Variants in AGBL1 observed in about 807,000 individuals in gnomAD.
The protein encoded by AGBL1 is cytosolic carboxypeptidase 4.
AGBL1 carries 130 observed loss-of-function variants against 118.9 expected under a neutral mutation model. The ratio of observed to expected loss-of-function variants is 1.09; its 90% CI spans 0.95 to 1.26. The LOEUF (loss-of-function observed/expected upper bound fraction) is 1.26. Ranked by LOEUF, AGBL1 falls within the 50% of genes most tolerant of loss-of-function variation. The pLI is 0.00. For missense variants in AGBL1, 1,584 were observed against 1,298.1 expected, an observed-to-expected ratio of 1.22 and a Z score of -3.38; for synonymous variants, 555 against 478.9, an observed-to-expected ratio of 1.16 and a Z score of -2.08.
At chr15:86,410,839 T>TATATATATATAA (rs1311325970) in intron 18 of AGBL1, among the ~76,000 whole-genome samples, 5 of 68,148 alleles carry the variant, frequency 7.3e-5, no homozygotes, top group Non-Finnish European at 1.4e-4. Context: ...TATATATATA[T>TATATATATATAA]ATAATATACT....
At chr15:86,360,020 A>T (rs1386072919) in intron 17 of AGBL1, among the ~76,000 whole-genome samples, 2 of 151,778 alleles carry the variant, frequency 1.3e-5, no homozygotes, top group African/African-American at 4.8e-5. Flanking sequence ...TTTGGATGTG[A>T]TTTATTTATT....
chr15:86,340,186 A>AT (rs2080440223), intron 17 of AGBL1, among the ~76,000 whole-genome samples: 2 of 151,698 alleles, frequency 1.3e-5, no homozygotes, highest in African/African-American at 4.8e-5. Context: ...GTGATGAGTG[A>AT]TTTTTTGACG....
chr15:86,167,563 A>G (rs1374812420), intron 5 of AGBL1, among the ~76,000 whole-genome samples: 1 of 152,228 alleles, frequency 6.6e-6, no homozygotes, highest in Admixed American at 6.5e-5. Context: ...TGATATTTCT[A>G]ATAGAATTCT....
intron 17 of AGBL1, among the ~76,000 whole-genome samples, chr15:86,353,723 GGACA>G (rs1217266303): frequency 6.6e-6 from 1 of 152,050 alleles, no homozygotes; most frequent in African/African-American, 2.4e-5. Flanking sequence ...ATTCAATTTC[GGACA>G]GACAGATTTG....
intron 21 of AGBL1, among the ~76,000 whole-genome samples, chr15:86,668,213 G>A (rs2085681565): frequency 6.6e-6 from 1 of 152,142 alleles, no homozygotes. Context: ...CATGAGATTT[G>A]GAGGGGATAA....
intron 16 of AGBL1, among the ~76,000 whole-genome samples, chr15:86,292,786 G>A (rs1352014217): frequency 6.6e-6 from 1 of 152,168 alleles, no homozygotes; most frequent in Non-Finnish European, 1.5e-5. Context: ...AAGAATCTTG[G>A]CTCAAAGATG....
At chr15:86,683,715 C>T (rs142062766) in intron 22 of AGBL1, among the ~76,000 whole-genome samples, 89 of 152,272 alleles carry the variant, frequency 5.8e-4, no homozygotes, top group African/African-American at 1.9e-3. Flanking sequence ...GAAACTCACT[C>T]TTACTACTCT....
intron 17 of AGBL1, among the ~76,000 whole-genome samples, chr15:86,366,266 C>G (rs1178062549): frequency 2.6e-5 from 4 of 152,154 alleles, no homozygotes; most frequent in African/African-American, 9.7e-5. Flanking sequence ...TAAGTTAACA[C>G]ACCAGAATTT....
intron 22 of AGBL1, among the ~76,000 whole-genome samples, chr15:86,866,718 G>A (rs1290603163): frequency 1.3e-5 from 2 of 152,182 alleles, no homozygotes; most frequent in Non-Finnish European, 2.9e-5. Flanking sequence ...GCTAGGCATG[G>A]TGGTACATGC....
chr15:86,278,796 T>C (rs1434356555), intron 15 of AGBL1, among the ~76,000 whole-genome samples: 7 of 152,204 alleles, frequency 4.6e-5, no homozygotes, highest in South Asian at 2.1e-4. Flanking sequence ...TCAGCATCAG[T>C]TGGCAGCGTG....
At chr15:86,477,816 T>C (rs966637464) in intron 18 of AGBL1, among the ~76,000 whole-genome samples, 1 of 152,112 alleles carries the variant, frequency 6.6e-6, no homozygotes, top group Admixed American at 6.6e-5. Flanking sequence ...TGATGAACAT[T>C]GATGCAAAAA....
chr15:86,562,291 G>A (rs936970525), intron 21 of AGBL1, among the ~76,000 whole-genome samples: 1 of 152,138 alleles, frequency 6.6e-6, no homozygotes, highest in Non-Finnish European at 1.5e-5. Flanking sequence ...GTCATAAATA[G>A]CTCTTATTAT....
intron 5 of AGBL1, among the ~76,000 whole-genome samples, chr15:86,185,965 C>T (rs2077626309): frequency 6.6e-6 from 1 of 152,032 alleles, no homozygotes; most frequent in Non-Finnish European, 1.5e-5. Context: ...TTTTTTTTCT[C>T]TCTCAAGTTC....
At chr15:86,956,574 C>T (rs2063739516) in intron 23 of AGBL1, among the ~76,000 whole-genome samples, 1 of 152,144 alleles carries the variant, frequency 6.6e-6, no homozygotes, top group Admixed American at 6.6e-5. Context: ...TCTGTCTTTG[C>T]TCTTCAACAG....
intron 3 of AGBL1, among the ~76,000 whole-genome samples, chr15:86,146,863 C>T (rs1467462239): frequency 1.3e-5 from 2 of 152,066 alleles, no homozygotes; most frequent in Non-Finnish European, 2.9e-5. Flanking sequence ...GTCCTTTAGT[C>T]CAGAGGTACA....
At chr15:86,741,561 A>G (rs1287995775) in intron 22 of AGBL1, among the ~76,000 whole-genome samples, 3 of 152,050 alleles carry the variant, frequency 2.0e-5, no homozygotes, top group African/African-American at 4.8e-5. Context: ...GTCTTGAACT[A>G]TAAGACATCA....
At chr15:86,671,511 C>T (rs981756768) in intron 21 of AGBL1, among the ~76,000 whole-genome samples, 1 of 152,122 alleles carries the variant, frequency 6.6e-6, no homozygotes, top group Non-Finnish European at 1.5e-5. Context: ...CACTTTTAAA[C>T]AAATCCGGAG....
chr15:86,354,548 A>G (rs1202451617), intron 17 of AGBL1, among the ~76,000 whole-genome samples: 1 of 152,238 alleles, frequency 6.6e-6, no homozygotes, highest in Non-Finnish European at 1.5e-5. Context: ...AACATGTAAA[A>G]TATGAAAACA....
chr15:86,427,352 G>A (rs2081879364), intron 18 of AGBL1, among the ~76,000 whole-genome samples: 1 of 152,102 alleles, frequency 6.6e-6, no homozygotes, highest in East Asian at 1.9e-4. Context: ...TTCATAAGAT[G>A]TTTTAGTACA....
Sources: gnomAD v4.1 joint callset for allele counts (sites outside exome capture counted in the v4.1 genomes callset) on GRCh38, gnomAD v4.1.1 for gene constraint, MANE v1.5 for transcripts, NCBI Gene and HGNC (gene_info 2026-07-23, HGNC 2026-07-21) for gene names.